The following NHLRC2 variants were observed in gnomAD, a reference collection of about 807,000 sequenced individuals.
The protein encoded by NHLRC2 is NHL repeat-containing protein 2.
Under a neutral mutation model 68.1 loss-of-function variants are expected in NHLRC2, and 33 were observed. The ratio of observed to expected loss-of-function variants is 0.48; its 90% confidence interval spans 0.37 to 0.65. The LOEUF (loss-of-function observed/expected upper bound fraction) is 0.65, where lower values mean the gene tolerates loss of function less well. Ranked by LOEUF, NHLRC2 falls within the 30% of genes least tolerant of loss-of-function variation. NHLRC2 has a pLI of 0.00. For synonymous variants in NHLRC2, 311 were observed against 309.6 expected (o/e 1.00, Z -0.05); for missense variants, 761 against 853.8 (o/e 0.89, Z 1.35).
chr10:113,893,326 C>T (rs1352269119), intron 5 of NHLRC2, among the ~76,000 whole-genome samples: 1 of 152,178 alleles, frequency 6.6e-6, no homozygotes, highest in African/African-American at 2.4e-5. Context: ...CCTTCATTCT[C>T]ATCAGAACAC....
chr10:113,879,222 T>C (rs940797004), intron 3 of NHLRC2, among the ~76,000 whole-genome samples: 1 of 152,176 alleles, frequency 6.6e-6, no homozygotes, highest in African/African-American at 2.4e-5. Context: ...ATAATTTTCA[T>C]TGTATTATCC....
rs542297799 is a variant in NHLRC2, at chr10:113,862,797, T to G, written c.331+4117T>G. On this transcript the variant is annotated intron_variant, in intron 2 of 10. Transcript: ENST00000369301. The stretch of plus-strand genomic sequence containing the variant: ...ATGGCTATGCTAGTATCAGACAAAA[T>G]GGACTTTAGATCTAAAAAGGTTACA... Among the ~76,000 whole-genome samples the G allele has an allele frequency of 3.9e-5, 6 of 152,140 alleles. No homozygotes were observed. The South Asian group carries it at 1.2e-3, about 32-fold the overall frequency.
At chr10:113,863,288 A>C (rs938007846) in intron 2 of NHLRC2, among the ~76,000 whole-genome samples, 6 of 152,206 alleles carry the variant, frequency 3.9e-5, no homozygotes, top group African/African-American at 1.2e-4. Flanking sequence ...ATCACAGATG[A>C]AGTTAGAAAA....
At position 113,854,765 on chromosome 10, in the gene NHLRC2, G is replaced by A. The variant is rs1401863908; in HGVS notation, c.-108G>A. ...ATTGGCGTGGAGTGGGGCTAGTGGAGGGTGAGGTGAATGCGCCGTTTGGAA... is the reference window on the plus strand; with the variant it reads ...ATTGGCGTGGAGTGGGGCTAGTGGAAGGTGAGGTGAATGCGCCGTTTGGAA... On this transcript the variant is annotated 5_prime_UTR_variant, in exon 1 of 11. Transcript: ENST00000369301. 3 of 844,780 alleles carry A rather than the reference G, an allele frequency of 3.6e-6. No homozygotes were observed. The highest frequency in any genetic ancestry group is 2.9e-5 in the Admixed American group (1 of 34,292). The allele number at this position is 844,780 out of a possible 1,614,324, so 52.3% of individuals were successfully genotyped here.
chr10:113,858,831 A>G (rs575634641), intron 2 of NHLRC2, 151 bp downstream of exon 2: 1 of 522,360 alleles, frequency 1.9e-6, no homozygotes, highest in East Asian at 3.0e-5. Flanking sequence ...GACTTCATGT[A>G]CCTTTTCATA....
intron 1 of NHLRC2, among the ~76,000 whole-genome samples, chr10:113,858,186 T>C (rs1434474341): frequency 6.6e-6 from 1 of 151,974 alleles, no homozygotes; most frequent in African/African-American, 2.4e-5. Context: ...CCTCTACTCC[T>C]CCTGCTCCCC....
Position 113,876,991 on chromosome 10 carries a change from T to C in NHLRC2, c.787+15T>C. 1 of 1,453,046 alleles carries C rather than the reference T, an allele frequency of 6.9e-7. No individual in the cohort carries two copies. The highest frequency in any genetic ancestry group is 9.4e-7 in the Non-Finnish European group (1 of 1,069,306). 90.0% of individuals were successfully genotyped at this position (1,453,046 alleles called of 1,614,324 possible). On this transcript the variant is annotated intron_variant, in intron 3 of 10. Coordinates refer to ENST00000369301, the MANE Select transcript of NHLRC2 (RefSeq NM_198514.4). ...TAGCATTGGAGGTAAAACTTGCTTC[T>C]GATTACGATAGATAACGTGTTTTAC...
intron 5 of NHLRC2, among the ~76,000 whole-genome samples, chr10:113,886,789 C>A (rs1846086870): frequency 6.6e-6 from 1 of 152,116 alleles, no homozygotes; most frequent in Non-Finnish European, 1.5e-5. Context: ...ACAGGAAAAG[C>A]TCCACAGCAT....
At position 113,911,362 on chromosome 10, in the gene NHLRC2, G is replaced by A. The variant is rs2134747110; in HGVS notation, c.*2826G>A. 1 of 152,058 alleles carries A rather than the reference G, an allele frequency of 6.6e-6. No homozygotes were observed. Among genetic ancestry groups the A allele is most frequent in the East Asian group, 1.9e-4 (1 of 5,190 alleles). 9.4% of individuals were successfully genotyped at this position (152,058 alleles called of 1,614,324 possible). A position where few individuals can be genotyped will look rare whatever the true frequency, so the allele number is the denominator to read the frequency against. On this transcript the variant is annotated 3_prime_UTR_variant, in exon 11 of 11. Transcript: ENST00000369301. Reference sequence around the variant, plus strand: ...AACTTTGTAGTTTAATCACCCATAAGTGTAACTTTAGCAAAATTCAATGAC... The same window carrying A: ...AACTTTGTAGTTTAATCACCCATAAATGTAACTTTAGCAAAATTCAATGAC...
intron 5 of NHLRC2, among the ~76,000 whole-genome samples, chr10:113,889,263 T>A (rs1846110856): frequency 6.6e-6 from 1 of 152,212 alleles, no homozygotes; most frequent in South Asian, 2.1e-4. Context: ...AGTTTAGCCA[T>A]TCTTCTACAA....
chr10:113,909,473 A>G lies in NHLRC2; in HGVS notation c.*937A>G, dbSNP rs192186268. On this transcript the variant is annotated 3_prime_UTR_variant, in exon 11 of 11. Transcript: ENST00000369301. Reference sequence around the variant, plus strand: ...GTTTTGAGGTTTTTTTCGTTCCCATATTCAGAATTTAAATTATGATCATTT... The same window carrying G: ...GTTTTGAGGTTTTTTTCGTTCCCATGTTCAGAATTTAAATTATGATCATTT... 808 of 152,148 alleles carry G rather than the reference A, an allele frequency of 5.3e-3. 7 individuals carry two copies. Among genetic ancestry groups the G allele is most frequent in the African/African-American group, 0.018 (756 of 41,518 alleles). 9.4% of individuals were successfully genotyped at this position (152,148 alleles called of 1,614,324 possible).
chr10:113,906,055 G>A (rs1846272594), intron 10 of NHLRC2, among the ~76,000 whole-genome samples: 1 of 152,192 alleles, frequency 6.6e-6, no homozygotes, highest in African/African-American at 2.4e-5. Flanking sequence ...TAGGTTCAGA[G>A]CAAGTTCTAG....
chr10:113,901,729 T>C lies in NHLRC2; in HGVS notation c.1203T>C (p.Asn401=). The C allele has an allele frequency of 6.2e-7, 1 of 1,614,220 alleles. No homozygotes were observed. Among genetic ancestry groups the C allele is most frequent in the Non-Finnish European group, 8.5e-7 (1 of 1,180,008 alleles). ...AGSGNEENRN[N]AYPHKAGFAQ... ...GTGGAAATGAAGAGAATCGAAACAA[T>C]GCCTATCCTCACAAGGCAGGTTTTG... The change falls in exon 7 of 11, where the codon AAT becomes AAC. Residue 401 remains asparagine, a synonymous_variant. Transcript: ENST00000369301.
chr10:113,881,829 A>G (rs537527333), intron 4 of NHLRC2, among the ~76,000 whole-genome samples: 17 of 151,974 alleles, frequency 1.1e-4, no homozygotes, highest in East Asian at 1.9e-4. Context: ...CCCCCAAGTA[A>G]GAACCCACAT....
intron 5 of NHLRC2, among the ~76,000 whole-genome samples, chr10:113,896,031 G>C (rs1283868187): frequency 6.6e-6 from 1 of 152,130 alleles, no homozygotes; most frequent in Non-Finnish European, 1.5e-5. Context: ...TGCTGGAGAG[G>C]ATGTGGAGAA....
chr10:113,861,860 A>G (rs1300157324), intron 2 of NHLRC2, among the ~76,000 whole-genome samples: 2 of 151,972 alleles, frequency 1.3e-5, no homozygotes, highest in Non-Finnish European at 2.9e-5. Flanking sequence ...TTATTGTAAC[A>G]TCACATTTTG....
chr10:113,914,973 C>T lies in NHLRC2; in HGVS notation c.*6437C>T, dbSNP rs766417810. Reference sequence around the variant, plus strand: ...CTGCCTCAGGCTTGCAGAAGGCTGCCCCAATCACAGAGCCTGGGTAAGGTG... The same window carrying T: ...CTGCCTCAGGCTTGCAGAAGGCTGCTCCAATCACAGAGCCTGGGTAAGGTG... On this transcript the variant is annotated 3_prime_UTR_variant, in exon 11 of 11. Transcript: ENST00000369301. The T allele has an allele frequency of 2.2e-6, 1 of 456,098 alleles. No homozygotes were observed. The highest frequency in any genetic ancestry group is 2.0e-5 in the African/African-American group (1 of 50,076). The allele number at this position is 456,098 out of a possible 1,614,324, so 28.3% of individuals were successfully genotyped here.
chr10:113,897,626 G>A (rs1846188262), intron 5 of NHLRC2, among the ~76,000 whole-genome samples: 1 of 152,144 alleles, frequency 6.6e-6, no homozygotes, highest in Non-Finnish European at 1.5e-5. Flanking sequence ...GTAGTCCCGG[G>A]TTGTGGCTCT....
intron 2 of NHLRC2, among the ~76,000 whole-genome samples, chr10:113,860,463 A>T (rs1236740430): frequency 2.0e-5 from 3 of 152,160 alleles, no homozygotes; most frequent in African/African-American, 7.2e-5. Context: ...TGGAGCAAGA[A>T]TTCACTGTCA....
Sources: allele counts gnomAD v4.1 joint callset (sites outside exome capture counted in the v4.1 genomes callset), GRCh38; gene constraint gnomAD v4.1.1; transcripts MANE v1.5; gene names NCBI Gene and HGNC (gene_info 2026-07-23, HGNC 2026-07-21).